Variants in TBC1D1 observed in about 807,000 individuals in gnomAD.
TBC1D1 encodes the protein TBC1 (tre-2/USP6, BUB2, cdc16) domain family, member 1.
A neutral mutation model predicts 125.6 loss-of-function variants in TBC1D1; 89 were observed. That is an observed-to-expected ratio of 0.71 (90% CI 0.60 to 0.85). The LOEUF (loss-of-function observed/expected upper bound fraction) is 0.85, where lower values mean the gene tolerates loss of function less well. Ranked by LOEUF, TBC1D1 falls within the 40% of genes least tolerant of loss-of-function variation. The pLI, the probability that TBC1D1 is intolerant of heterozygous loss-of-function variation, is 0.00. For synonymous variants in TBC1D1, 565 were observed against 564.1 expected (o/e 1.00, Z -0.02); for missense variants, 1,377 against 1,469.2 (o/e 0.94, Z 1.03).
At chr4:38,018,921 A>G (rs1743405522) in intron 4 of TBC1D1, among the ~76,000 whole-genome samples, 1 of 152,120 alleles carries the variant, frequency 6.6e-6, no homozygotes, top group African/African-American at 2.4e-5. Flanking sequence ...ACACAAATAT[A>G]TCTTTTTATT....
At chr4:38,129,605 C>G (rs988606171) in intron 18 of TBC1D1, among the ~76,000 whole-genome samples, 1 of 152,034 alleles carries the variant, frequency 6.6e-6, no homozygotes, top group African/African-American at 2.4e-5. Context: ...GTTAGGAAGG[C>G]GGAAGCTCTG....
chr4:38,092,442 A>G (rs941292997), intron 13 of TBC1D1, among the ~76,000 whole-genome samples: 1 of 152,124 alleles, frequency 6.6e-6, no homozygotes, highest in Non-Finnish European at 1.5e-5. Context: ...CAAATATGAT[A>G]ATTATTGGCT....
intron 12 of TBC1D1, 49 bp from the exon 15 acceptor site, chr4:38,089,883 C>T: frequency 6.6e-7 from 1 of 1,511,966 alleles, no homozygotes; most frequent in Non-Finnish European, 8.9e-7. Flanking sequence ...TTTGAATGTG[C>T]ATTTTTTGTT....
chr4:38,054,447 C>A (rs138957417), intron 12 of TBC1D1, 109 bp downstream of exon 14: 2 of 1,415,258 alleles, frequency 1.4e-6, no homozygotes, highest in Non-Finnish European at 9.7e-7. Context: ...TCAGTATTGG[C>A]AGGTCTGAGG....
intron 12 of TBC1D1, among the ~76,000 whole-genome samples, chr4:38,066,552 T>A (rs1459856661): frequency 1.3e-5 from 2 of 152,108 alleles, no homozygotes; most frequent in East Asian, 3.9e-4. Flanking sequence ...AGGCTGGTCT[T>A]GAACTCTTGA....
intron 2 of TBC1D1, among the ~76,000 whole-genome samples, chr4:38,007,722 C>A (rs1418396181): frequency 6.6e-6 from 1 of 152,126 alleles, no homozygotes; most frequent in Non-Finnish European, 1.5e-5. Context: ...TTTGTCTTTG[C>A]CAGTTTGTTC....
In TBC1D1 at chr4:38,014,819, C is replaced by CGCT; in HGVS notation, c.730_732dup (p.Leu244dup). On this transcript the variant is annotated inframe_insertion, in exon 3 of 20. Coordinates refer to ENST00000261439, the MANE Select transcript of TBC1D1 (RefSeq NM_015173.4). The surrounding 1 kb of genome is among the most constrained non-coding windows in gnomAD (Gnocchi z 5.1). ...TCCTTCTCCCAGCCCGGCCTGCGCT[C>CGCT]GCTGGCCTTTAGGAAGGAGCTGCAG... 6.2e-7 allele frequency: 1 copy of CGCT among 1,611,324 alleles called. No individual in the cohort carries two copies. Among genetic ancestry groups the CGCT allele is most frequent in the Non-Finnish European group, 8.5e-7 (1 of 1,178,298 alleles).
chr4:38,029,398 G>T (rs1252024137), intron 7 of TBC1D1, among the ~76,000 whole-genome samples: 1 of 152,014 alleles, frequency 6.6e-6, no homozygotes, highest in Non-Finnish European at 1.5e-5. Flanking sequence ...ACAGAGTCTC[G>T]CTCTGTTGCC....
intron 2 of TBC1D1, among the ~76,000 whole-genome samples, chr4:38,013,639 C>T (rs1014900053): frequency 2.0e-5 from 3 of 152,206 alleles, no homozygotes; most frequent in Non-Finnish European, 2.9e-5. Context: ...CATTCACTGC[C>T]GTGCGGATTC....
At chr4:38,091,038 A>G (rs1758335878) in intron 13 of TBC1D1, among the ~76,000 whole-genome samples, 1 of 152,246 alleles carries the variant, frequency 6.6e-6, no homozygotes. Flanking sequence ...TCAGTTGCAT[A>G]GCTAGTGTCA....
chr4:38,034,005 T>C (rs971549988), intron 7 of TBC1D1, among the ~76,000 whole-genome samples: 1 of 152,254 alleles, frequency 6.6e-6, no homozygotes, highest in Non-Finnish European at 1.5e-5. Flanking sequence ...TTCAGCTCAT[T>C]TGGGTAAACA....
chr4:37,901,282 G>C (rs1364308895), intron 1 of TBC1D1, among the ~76,000 whole-genome samples: 1 of 151,866 alleles, frequency 6.6e-6, no homozygotes, highest in African/African-American at 2.4e-5. Flanking sequence ...TCAGCCTCCT[G>C]AGTAGCTGGG....
intron 12 of TBC1D1, among the ~76,000 whole-genome samples, chr4:38,078,912 A>G (rs975346293): frequency 4.6e-5 from 7 of 152,110 alleles, no homozygotes; most frequent in African/African-American, 1.4e-4. Flanking sequence ...TTCCAGGTCT[A>G]GTTTTGACCC....
At position 38,054,268 on chromosome 4, in the gene TBC1D1, C is replaced by T. The variant is rs745780166; in HGVS notation, c.1980C>T (p.Ser660=). 2 of 1,614,088 alleles carry T rather than the reference C, an allele frequency of 1.2e-6. No individual in the cohort carries two copies. Among genetic ancestry groups the T allele is most frequent in the Admixed American group, 1.7e-5 (1 of 60,016 alleles). Residue 660 remains serine, a synonymous_variant, in exon 12 of 20, where the codon TCC becomes TCT. Coordinates refer to ENST00000261439, the MANE Select transcript of TBC1D1 (RefSeq NM_015173.4). ...CTCCTGTGAAGACCCGGAGGCATTC[C>T]TGGAGGCAGCAGATATTCCTCCGAG...
chr4:38,070,335 A>T (rs1282239141), intron 12 of TBC1D1, among the ~76,000 whole-genome samples: 1 of 152,242 alleles, frequency 6.6e-6, no homozygotes, highest in Non-Finnish European at 1.5e-5. Context: ...AATAGTTGTC[A>T]TGTGGCTGAC....
At chr4:38,110,373 G>T in intron 15 of TBC1D1, 9 of 985,316 alleles carry the variant, frequency 9.1e-6, no homozygotes, top group Non-Finnish European at 1.1e-5. Context: ...GCCCCCAGAT[G>T]ATCCTAATAG....
At chr4:38,025,154 C>T (rs986942228) in intron 6 of TBC1D1, among the ~76,000 whole-genome samples, 1 of 152,228 alleles carries the variant, frequency 6.6e-6, no homozygotes, top group African/African-American at 2.4e-5. Flanking sequence ...AGTCATTCAT[C>T]ACCGCTCTCT....
chr4:37,941,875 T>A (rs1725644208), intron 2 of TBC1D1, among the ~76,000 whole-genome samples: 1 of 152,248 alleles, frequency 6.6e-6, no homozygotes, highest in Non-Finnish European at 1.5e-5. Context: ...TTGATTGCAC[T>A]GTGGTCAGAG....
rs1374178007 is a variant in TBC1D1 at position 37,977,717 on chromosome 4, G to T, written c.418-36792G>T. 6.6e-6 allele frequency among the ~76,000 whole-genome samples: 1 copy of T among 152,128 alleles called. No homozygotes were observed. The highest frequency in any genetic ancestry group is 1.9e-4 in the East Asian group (1 of 5,164). On this transcript the variant is annotated intron_variant, in intron 2 of 19. Transcript: ENST00000261439. This position sits in a 1 kb window ranked among gnomAD's most constrained non-coding sequence, Gnocchi z 4.3. ...TCATTAGTCTCCCAGATCCCTGTGG[G>T]GAGGACGGGCGAGGTAGCGGCGCCC... is the stretch of plus-strand genomic sequence containing the variant.
Sources: allele counts gnomAD v4.1 joint callset (sites outside exome capture counted in the v4.1 genomes callset), GRCh38; gene constraint gnomAD v4.1.1; non-coding constraint Gnocchi (gnomAD v3.1); transcripts MANE v1.5; gene names NCBI Gene and HGNC (gene_info 2026-07-23, HGNC 2026-07-21).